CAMKMT: variants seen among roughly 807,000 people sequenced by gnomAD.
The protein encoded by CAMKMT is calmodulin-lysine N-methyltransferase, also known as CaM KMT.
Under a neutral mutation model 48.0 loss-of-function variants are expected in CAMKMT, and 53 were observed. The observed-to-expected ratio is 1.10, with a 90% CI of 0.89 to 1.39. The LOEUF (loss-of-function observed/expected upper bound fraction) is 1.39, where lower values mean the gene tolerates loss of function less well. Among genes scored for constraint, CAMKMT ranks in the 40% most tolerant of loss-of-function variants. The pLI, the probability that CAMKMT is intolerant of heterozygous loss-of-function variation, is 0.00. For missense variants in CAMKMT, 428 were observed against 402.7 expected (o/e 1.06, Z -0.54); for synonymous variants, 165 against 152.3 (o/e 1.08, Z -0.61).
chr2:44,634,995 C>A (rs1358581026), intron 3 of CAMKMT, among the ~76,000 whole-genome samples: 3 of 152,028 alleles, frequency 2.0e-5, no homozygotes, highest in Admixed American at 6.6e-5. Flanking sequence ...ATCGCTTGAG[C>A]CTGGGAGTTT....
chr2:44,772,189 G>A lies in CAMKMT; in HGVS notation c.*76G>A. The A allele has an allele frequency of 1.6e-6, 2 of 1,277,180 alleles. No homozygotes were observed. The highest frequency in any genetic ancestry group is 1.2e-5 in the South Asian group (1 of 81,976). The allele number at this position is 1,277,180 out of a possible 1,614,324, so 79.1% of individuals were successfully genotyped here. On this transcript the variant is annotated 3_prime_UTR_variant, in exon 11 of 11. Coordinates refer to ENST00000378494, the MANE Select transcript of CAMKMT (RefSeq NM_024766.5). ...TTTTTACAAAAACGGAAATCTGTAA[G>A]GGGTATAATCGCCTGCCTGCGCCCT...
At chr2:44,639,026 C>T (rs1673302642) in intron 3 of CAMKMT, among the ~76,000 whole-genome samples, 1 of 152,200 alleles carries the variant, frequency 6.6e-6, no homozygotes, top group Non-Finnish European at 1.5e-5. Flanking sequence ...TTCATTGCAT[C>T]CTGAGTTACA....
intron 2 of CAMKMT, among the ~76,000 whole-genome samples, chr2:44,375,520 A>T (rs376296001): frequency 6.6e-6 from 1 of 152,182 alleles, no homozygotes; most frequent in African/African-American, 2.4e-5. Flanking sequence ...AAGTACTTTC[A>T]AAATGAGTGG....
intron 3 of CAMKMT, among the ~76,000 whole-genome samples, chr2:44,634,118 G>C (rs534163809): frequency 6.6e-6 from 1 of 151,998 alleles, no homozygotes; most frequent in Admixed American, 6.6e-5. Flanking sequence ...TTTTTGCCTA[G>C]CCTGATGGAG....
chr2:44,398,186 T>G (rs1682031516), intron 3 of CAMKMT, among the ~76,000 whole-genome samples: 1 of 152,202 alleles, frequency 6.6e-6, no homozygotes, highest in African/African-American at 2.4e-5. Context: ...CAGAACAAGG[T>G]AATTTGCTTA....
chr2:44,541,106 T>C (rs1016277318), intron 3 of CAMKMT, among the ~76,000 whole-genome samples: 5 of 152,238 alleles, frequency 3.3e-5, no homozygotes, highest in Admixed American at 1.3e-4. Flanking sequence ...GTTTTAGTTA[T>C]AGAAGCTTAA....
chr2:44,587,350 C>G (rs920415195), intron 3 of CAMKMT, among the ~76,000 whole-genome samples: 1 of 152,194 alleles, frequency 6.6e-6, no homozygotes, highest in African/African-American at 2.4e-5. Context: ...ACAGGTTTTA[C>G]ATATCTTTTG....
intron 8 of CAMKMT, among the ~76,000 whole-genome samples, chr2:44,752,772 C>T (rs369470735): frequency 2.0e-5 from 3 of 152,292 alleles, no homozygotes; most frequent in East Asian, 1.9e-4. Flanking sequence ...AAGAAGAACA[C>T]GTGTCCTCAC....
intron 3 of CAMKMT, among the ~76,000 whole-genome samples, chr2:44,563,822 T>C (rs7566108): frequency 0.091 from 13,887 of 152,260 alleles, 781 homozygotes; most frequent in Admixed American, 0.19. Flanking sequence ...TTTTTATGGC[T>C]GCATAGTATT....
chr2:44,520,288 G>A (rs559617761), intron 3 of CAMKMT, among the ~76,000 whole-genome samples: 2 of 151,866 alleles, frequency 1.3e-5, no homozygotes, highest in Non-Finnish European at 2.9e-5. Flanking sequence ...AGACTATGTT[G>A]CCCAGTTCTA....
intron 3 of CAMKMT, among the ~76,000 whole-genome samples, chr2:44,404,757 T>A (rs1475080389): frequency 6.6e-6 from 1 of 152,120 alleles, no homozygotes; most frequent in Non-Finnish European, 1.5e-5. Flanking sequence ...CTTTTTATGC[T>A]TTTAGGATGA....
chr2:44,727,251 G>A (rs1205679549), intron 7 of CAMKMT, among the ~76,000 whole-genome samples: 1 of 152,292 alleles, frequency 6.6e-6, no homozygotes, highest in East Asian at 1.9e-4. Context: ...TCATCCATGA[G>A]CCTGGAATGT....
intron 3 of CAMKMT, among the ~76,000 whole-genome samples, chr2:44,686,376 G>C (rs934516553): frequency 1.4e-5 from 2 of 144,448 alleles, no homozygotes; most frequent in Non-Finnish European, 1.5e-5. Flanking sequence ...CTGGGCAACA[G>C]AGCGAGACTC....
intron 7 of CAMKMT, among the ~76,000 whole-genome samples, chr2:44,721,027 A>G (rs1388850038): frequency 1.3e-5 from 2 of 152,142 alleles, no homozygotes; most frequent in Admixed American, 1.3e-4. Context: ...TCAGTGGGTT[A>G]TTGTTTTGAA....
intron 3 of CAMKMT, among the ~76,000 whole-genome samples, chr2:44,698,654 G>C (rs1677095848): frequency 6.6e-6 from 1 of 152,198 alleles, no homozygotes; most frequent in Non-Finnish European, 1.5e-5. Flanking sequence ...CTTGATGATG[G>C]CTGCTAACTG....
At chr2:44,493,128 C>T (rs1482780060) in intron 3 of CAMKMT, among the ~76,000 whole-genome samples, 1 of 151,922 alleles carries the variant, frequency 6.6e-6, no homozygotes, top group African/African-American at 2.4e-5. Flanking sequence ...AGCTCCTGAC[C>T]TCGTGATCCA....
intron 7 of CAMKMT, among the ~76,000 whole-genome samples, chr2:44,726,479 T>C (rs887777482): frequency 6.6e-6 from 1 of 152,194 alleles, no homozygotes; most frequent in Non-Finnish European, 1.5e-5. Flanking sequence ...GAGGTTATTG[T>C]TTTTTGCTTA....
chr2:44,644,736 C>T (rs771045892), intron 3 of CAMKMT, among the ~76,000 whole-genome samples: 74 of 152,180 alleles, frequency 4.9e-4, no homozygotes, highest in Admixed American at 1.2e-3. Context: ...TATAATTAGA[C>T]TTTTATAGCT....
intron 3 of CAMKMT, among the ~76,000 whole-genome samples, chr2:44,526,762 C>T (rs1168392053): frequency 2.6e-5 from 4 of 151,880 alleles, no homozygotes; most frequent in Non-Finnish European, 5.9e-5. Flanking sequence ...CTGGAGGGTT[C>T]CCAGGCACAC....
Sources: allele counts gnomAD v4.1 joint callset (sites outside exome capture counted in the v4.1 genomes callset), GRCh38; gene constraint gnomAD v4.1.1; transcripts MANE v1.5; gene names NCBI Gene and HGNC (gene_info 2026-07-23, HGNC 2026-07-21).